The following STK24 variants were observed in gnomAD, a reference collection of about 807,000 sequenced individuals.
The protein encoded by STK24 is serine/threonine-protein kinase 24.
Under a neutral mutation model 55.6 loss-of-function variants are expected in STK24, and 21 were observed. The ratio of observed to expected loss-of-function variants is 0.38; its 90% confidence interval spans 0.27 to 0.54. STK24 has a LOEUF of 0.54. STK24 is among the 20% of genes least tolerant of loss of function. The probability of loss-of-function intolerance (pLI) is 0.79; values close to 1 mark genes in which losing one functional copy is unlikely to be tolerated. For synonymous variants in STK24, 200 were observed against 215.2 expected (o/e 0.93, Z 0.62); for missense variants, 383 against 538.4 (o/e 0.71, Z 2.86).
intron 1 of STK24, among the ~76,000 whole-genome samples, chr13:98,571,634 G>T (rs768824685): frequency 6.6e-6 from 1 of 152,126 alleles, no homozygotes; most frequent in African/African-American, 2.4e-5. Context: ...TTCAAAATAG[G>T]TTTTTTGTTT....
At chr13:98,521,891 C>A in intron 1 of STK24, 1 of 893,590 alleles carries the variant, frequency 1.1e-6, no homozygotes, top group Non-Finnish European at 1.9e-6. Context: ...CAGTAACCCC[C>A]TTCTCGCTCC....
chr13:98,480,761 A>C (rs955397381), intron 3 of STK24, among the ~76,000 whole-genome samples: 5 of 152,342 alleles, frequency 3.3e-5, no homozygotes, highest in African/African-American at 1.2e-4. Flanking sequence ...TTCTAGAATT[A>C]AATTTTTTAC....
intron 2 of STK24, among the ~76,000 whole-genome samples, chr13:98,511,688 AAGCCACTAACAAC>A (rs1895881963): frequency 6.6e-6 from 1 of 152,136 alleles, no homozygotes; most frequent in African/African-American, 2.4e-5. Context: ...CCACTAACAA[AAGCCACTAACAAC>A]AGATGTGTGA....
chr13:98,556,809 C>T (rs1405022123), intron 1 of STK24, among the ~76,000 whole-genome samples: 1 of 152,168 alleles, frequency 6.6e-6, no homozygotes, highest in Non-Finnish European at 1.5e-5. Flanking sequence ...ACTTTAGGAC[C>T]CACTTCGGAA....
At position 98,478,231 on chromosome 13, in the gene STK24, A is replaced by C. The variant is rs550478388; in HGVS notation, c.331-2873T>G. ...TCTTCAAATAGGACCCAGGAAAAAA[A>C]CCTAGACCACATCCCACCTCTGTGT... On this transcript the variant is annotated intron_variant, in intron 3 of 10. Coordinates refer to ENST00000539966, the MANE Select transcript of STK24 (RefSeq NM_001032296.4). Among the ~76,000 whole-genome samples, 189 of 152,246 alleles carry C rather than the reference A, an allele frequency of 1.2e-3. 4 individuals are homozygous for C. In the South Asian group the frequency reaches 0.016, roughly 13 times the overall value.
intron 2 of STK24, 62 bp downstream of exon 2, chr13:98,519,181 T>C (rs1594633926): frequency 2.9e-6 from 4 of 1,378,716 alleles, no homozygotes; most frequent in Non-Finnish European, 2.1e-6. Context: ...GTCCTTCCCA[T>C]TCCCTGCTGG....
intron 1 of STK24, among the ~76,000 whole-genome samples, chr13:98,557,326 C>A (rs1397401482): frequency 6.6e-6 from 1 of 152,242 alleles, no homozygotes; most frequent in East Asian, 1.9e-4. Context: ...ACAATCCACT[C>A]ATCTGAAACA....
intron 2 of STK24, among the ~76,000 whole-genome samples, chr13:98,501,973 T>C (rs1566371915): frequency 6.6e-6 from 1 of 152,138 alleles, no homozygotes; most frequent in Admixed American, 6.5e-5. Flanking sequence ...CCCTATGCCA[T>C]TGGAGGGTCC....
Position 98,448,248 on chromosome 13 carries a change from G to T in STK24, c.*4925C>A, listed in dbSNP as rs147970162. The T allele has an allele frequency of 4.3e-6, 7 of 1,613,876 alleles. No homozygotes were observed. The African/African-American group carries it at 9.3e-5, about 22-fold the overall frequency. ...TCCCGTGTTGCAGGTGGATGGAAGT[G>T]ATCCGCAGTGCCACCAGCTCTGCCT... is the stretch of plus-strand genomic sequence containing the variant. On this transcript the variant is annotated 3_prime_UTR_variant, in exon 11 of 11. Transcript: ENST00000539966.
chr13:98,532,778 T>G (rs543216829), intron 1 of STK24, among the ~76,000 whole-genome samples: 52 of 152,348 alleles, frequency 3.4e-4, no homozygotes, highest in African/African-American at 1.2e-3. Context: ...TTCTACACAT[T>G]ACAATAAATC....
At chr13:98,498,238 T>A (rs1257417023) in intron 2 of STK24, among the ~76,000 whole-genome samples, 1 of 152,220 alleles carries the variant, frequency 6.6e-6, no homozygotes, top group Non-Finnish European at 1.5e-5. Flanking sequence ...CCTTCCAACA[T>A]CTTTGAAAAA....
intron 1 of STK24, among the ~76,000 whole-genome samples, chr13:98,544,249 G>A (rs1896973415): frequency 6.6e-6 from 1 of 152,196 alleles, no homozygotes; most frequent in African/African-American, 2.4e-5. Flanking sequence ...AGGACCTTAG[G>A]CCAGCACAGG....
intron 2 of STK24, among the ~76,000 whole-genome samples, chr13:98,499,318 C>A (rs77106095): frequency 6.6e-6 from 1 of 152,130 alleles, no homozygotes; most frequent in African/African-American, 2.4e-5. Flanking sequence ...ATTTCCCAGA[C>A]GCACGGCAGA....
At chr13:98,524,416 T>C (rs917508611) in intron 1 of STK24, among the ~76,000 whole-genome samples, 15 of 152,246 alleles carry the variant, frequency 9.9e-5, no homozygotes, top group Non-Finnish European at 2.2e-4. Flanking sequence ...TTCTAGACAC[T>C]GGAGAGGCCA....
intron 8 of STK24, among the ~76,000 whole-genome samples, chr13:98,460,722 T>C (rs1893667934): frequency 6.6e-6 from 1 of 152,152 alleles, no homozygotes; most frequent in Admixed American, 6.5e-5. Context: ...GGCGGTGAAC[T>C]GCCTCGTCTT....
chr13:98,471,241 C>T (rs1394134502), intron 5 of STK24, among the ~76,000 whole-genome samples: 14 of 152,122 alleles, frequency 9.2e-5, no homozygotes, highest in Non-Finnish European at 1.5e-4. Context: ...GGCAGCCCAT[C>T]GGCTCATCCC....
chr13:98,510,294 A>G (rs1367615194), intron 2 of STK24, among the ~76,000 whole-genome samples: 1 of 152,206 alleles, frequency 6.6e-6, no homozygotes, highest in Non-Finnish European at 1.5e-5. Flanking sequence ...ATCCTGTGAA[A>G]GGCACACGGT....
At chr13:98,533,645 C>T (rs1167740976) in intron 1 of STK24, among the ~76,000 whole-genome samples, 2 of 151,936 alleles carry the variant, frequency 1.3e-5, no homozygotes, top group Non-Finnish European at 2.9e-5. Flanking sequence ...ATGAGAACCC[C>T]CATCTCTAAA....
Position 98,446,573 on chromosome 13 carries a change from G to C in STK24, c.*6600C>G. 8 of 1,361,228 alleles carry C rather than the reference G, an allele frequency of 5.9e-6. No homozygotes were observed. The highest frequency in any genetic ancestry group is 2.3e-5 in the East Asian group (1 of 43,622). 84.3% of individuals were successfully genotyped at this position (1,361,228 alleles called of 1,614,324 possible). A position where few individuals can be genotyped will look rare whatever the true frequency, so the allele number is the denominator to read the frequency against. On this transcript the variant is annotated 3_prime_UTR_variant, in exon 11 of 11. Transcript: ENST00000539966. ...CACGCCCGAGGAGGGAGCTGCCTGG[G>C]CTCCCAAGTCCCTGTCTGATGCGGG...
Sources: gnomAD v4.1 joint callset for allele counts (sites outside exome capture counted in the v4.1 genomes callset) on GRCh38, gnomAD v4.1.1 for gene constraint, MANE v1.5 for transcripts, NCBI Gene and HGNC (gene_info 2026-07-23, HGNC 2026-07-21) for gene names.